The following HTR4 variants were observed in gnomAD, a reference collection of about 807,000 sequenced individuals.
HTR4 encodes the protein 5-hydroxytryptamine (serotonin) receptor 4, G protein-coupled.
HTR4 carries 16 observed loss-of-function variants against 36.8 expected under a neutral mutation model. The observed-to-expected ratio is 0.43, with a 90% confidence interval of 0.29 to 0.66. The LOEUF (loss-of-function observed/expected upper bound fraction) is 0.66. Ranked by LOEUF, HTR4 falls within the 30% of genes least tolerant of loss-of-function variation. HTR4 has a pLI of 0.13. For synonymous variants in HTR4, 189 were observed against 185.1 expected (o/e 1.02, Z -0.17); for missense variants, 438 against 490.9 (o/e 0.89, Z 1.02).
At chr5:148,586,181 A>T (rs1237033312) in intron 2 of HTR4, among the ~76,000 whole-genome samples, 1 of 152,136 alleles carries the variant, frequency 6.6e-6, no homozygotes. Context: ...GCTGCATTCC[A>T]GAGGCCAGAA....
At chr5:148,513,726 T>A (rs1051288888) in intron 5 of HTR4, among the ~76,000 whole-genome samples, 3 of 152,324 alleles carry the variant, frequency 2.0e-5, no homozygotes, top group Middle Eastern at 3.4e-3. Flanking sequence ...ATCTTTACAA[T>A]GTTAAGTCTT....
In HTR4 at chr5:148,509,675, T is replaced by C; in HGVS notation, c.857A>G (p.Asp286Gly). The change falls in exon 6 of 7, where the codon GAC becomes GGC. Residue 286 changes from aspartate to glycine, a missense_variant. Transcript: ENST00000377888. ...FVTNIVDPFI[D>G]YTVPGQVWTA... The stretch of plus-strand genomic sequence containing the variant: ...CCACACCTGCCCAGGGACAGTGTAG[T>C]CTATGAAAGGATCCACAATATTGGT... 1.9e-6 allele frequency: 3 copies of C among 1,614,016 alleles called. No homozygotes were observed. The highest frequency in any genetic ancestry group is 2.5e-6 in the Non-Finnish European group (3 of 1,179,978).
chr5:148,498,467 A>G (rs1426988920), intron 6 of HTR4, among the ~76,000 whole-genome samples: 3 of 152,136 alleles, frequency 2.0e-5, no homozygotes, highest in Non-Finnish European at 4.4e-5. Context: ...AACACCTTTC[A>G]TCAGCAAAAA....
In HTR4 at chr5:148,582,420, ATAGT is replaced by A. The variant is rs139133174; in HGVS notation, c.27-32162_27-32159del. Among the ~76,000 whole-genome samples, 1,058 of 152,006 alleles carry A rather than the reference ATAGT, an allele frequency of 7.0e-3. 8 individuals are homozygous for A. The highest frequency in any genetic ancestry group is 0.024 in the African/African-American group (982 of 41,466). On this transcript the variant is annotated intron_variant, in intron 2 of 6. Coordinates refer to ENST00000377888, the MANE Select transcript of HTR4 (RefSeq NM_000870.7). ...ACCCTGATATTGAGCATATTACCCA[ATAGT>A]TAGTTTTTCAACCTTGTCCTCCTTC...
chr5:148,652,180 G>C (rs571924745), intron 1 of HTR4, among the ~76,000 whole-genome samples: 1 of 152,092 alleles, frequency 6.6e-6, no homozygotes. Context: ...TCCCAAGTAA[G>C]GGTCTTACCT....
intron 2 of HTR4, among the ~76,000 whole-genome samples, chr5:148,604,375 A>G (rs1752052256): frequency 6.6e-6 from 1 of 152,190 alleles, no homozygotes; most frequent in African/African-American, 2.4e-5. Context: ...ATAAAAAAAA[A>G]GATATCAATA....
At chr5:148,538,069 G>T (rs1758918817) in intron 4 of HTR4, among the ~76,000 whole-genome samples, 2 of 152,024 alleles carry the variant, frequency 1.3e-5, no homozygotes, top group African/African-American at 4.8e-5. Context: ...TTCAAGGTTG[G>T]TTCAACATAC....
chr5:148,543,678 C>A (rs1285103785), intron 4 of HTR4, among the ~76,000 whole-genome samples: 1 of 152,100 alleles, frequency 6.6e-6, no homozygotes, highest in East Asian at 1.9e-4. Context: ...TACTTGTGAA[C>A]TGATGGCATT....
chr5:148,473,409 A>G (rs1755621041), downstream of HTR4, among the ~76,000 whole-genome samples: 1 of 152,186 alleles, frequency 6.6e-6, no homozygotes, highest in Non-Finnish European at 1.5e-5. Context: ...AATTTGAAGA[A>G]TAAATGTAAG....
chr5:148,505,015 CA>C (rs1324456887), intron 6 of HTR4, among the ~76,000 whole-genome samples: 1 of 152,004 alleles, frequency 6.6e-6, no homozygotes, highest in Non-Finnish European at 1.5e-5. Flanking sequence ...GCCTACCAAC[CA>C]AAAAAATCCA....
intron 2 of HTR4, among the ~76,000 whole-genome samples, chr5:148,631,890 T>C (rs1253135615): frequency 1.3e-5 from 2 of 152,074 alleles, no homozygotes; most frequent in Admixed American, 1.3e-4. Context: ...TATATAAATA[T>C]TATGTATTTT....
chr5:148,635,160 G>T (rs1012250715), intron 2 of HTR4, among the ~76,000 whole-genome samples: 1 of 152,024 alleles, frequency 6.6e-6, no homozygotes. Flanking sequence ...TCCTAAGGAG[G>T]TAACCTCAAA....
At chr5:148,508,446 C>T (rs1444633571) in intron 6 of HTR4, among the ~76,000 whole-genome samples, 2 of 152,208 alleles carry the variant, frequency 1.3e-5, no homozygotes, top group Non-Finnish European at 2.9e-5. Context: ...TCCAAAGTCA[C>T]TTCCACCTCC....
intron 6 of HTR4, among the ~76,000 whole-genome samples, chr5:148,500,214 C>A (rs1756876270): frequency 6.6e-6 from 1 of 152,070 alleles, no homozygotes; most frequent in East Asian, 1.9e-4. Flanking sequence ...CTCTCTGGAT[C>A]TCAGAGGAGT....
intron 2 of HTR4, among the ~76,000 whole-genome samples, chr5:148,618,286 A>G (rs932841893): frequency 4.6e-5 from 7 of 152,148 alleles, no homozygotes; most frequent in Non-Finnish European, 8.8e-5. Context: ...CCCAAAAGCA[A>G]AATCAGGGTT....
At chr5:148,476,772 A>G (rs1252783710), downstream of HTR4, 1 of 1,613,278 alleles carries the variant, frequency 6.2e-7, no homozygotes, top group Non-Finnish European at 8.5e-7. Context: ...AAAAGAACGT[A>G]ATTAATGAAC....
intron 4 of HTR4, among the ~76,000 whole-genome samples, chr5:148,528,878 T>C (rs926351713): frequency 3.9e-5 from 6 of 151,908 alleles, no homozygotes; most frequent in Non-Finnish European, 7.4e-5. Context: ...ATTTATTTAC[T>C]GACCAAGGGC....
intron 2 of HTR4, among the ~76,000 whole-genome samples, chr5:148,626,277 G>C (rs1753101982): frequency 6.6e-6 from 1 of 152,160 alleles, no homozygotes; most frequent in Admixed American, 6.6e-5. Flanking sequence ...TCAATTCAAG[G>C]ACAAGCCATC....
At chr5:148,643,287 C>T (rs1753782187) in intron 1 of HTR4, among the ~76,000 whole-genome samples, 1 of 152,044 alleles carries the variant, frequency 6.6e-6, no homozygotes, top group Non-Finnish European at 1.5e-5. Context: ...CCTTAACCAA[C>T]TAAAGGATAT....
Sources: gnomAD v4.1 joint callset for allele counts (sites outside exome capture counted in the v4.1 genomes callset) on GRCh38, gnomAD v4.1.1 for gene constraint, MANE v1.5 for transcripts, NCBI Gene and HGNC (gene_info 2026-07-23, HGNC 2026-07-21) for gene names.